SRP19: variants seen among roughly 807,000 people sequenced by gnomAD.
SRP19 encodes the protein signal recognition particle 19.
SRP19 carries 11 observed loss-of-function variants against 22.4 expected under a neutral mutation model. The observed-to-expected ratio is 0.49, with a 90% CI of 0.31 to 0.81. SRP19 has a LOEUF of 0.81. Among genes scored for constraint, SRP19 ranks in the 40% least tolerant of loss-of-function variants. The pLI, the probability that SRP19 is intolerant of heterozygous loss-of-function variation, is 0.05. For missense variants in SRP19, 168 were observed against 175.9 expected, an observed-to-expected ratio of 0.96 and a Z score of 0.25; for synonymous variants, 61 against 57.6, an observed-to-expected ratio of 1.06 and a Z score of -0.27.
chr5:112,864,830 C>A, intron 4 of SRP19, 98 bp downstream of exon 4: 1 of 881,458 alleles, frequency 1.1e-6, no homozygotes, highest in Non-Finnish European at 1.8e-6. Context: ...TCAGAATTTG[C>A]ATTCTGAAGA....
At chr5:112,890,217 G>A (rs1768393619) in intron 4 of SRP19, among the ~76,000 whole-genome samples, 1 of 150,388 alleles carries the variant, frequency 6.6e-6, no homozygotes, top group South Asian at 2.1e-4. Context: ...TTGACCTTGG[G>A]AGGTCGAGAC....
At chr5:112,892,402 G>T in exon 5 of SRP19, 1 of 1,614,116 alleles carries the variant, frequency 6.2e-7, no homozygotes. Context: ...GTTCAAGAAC[G>T]TGGGGAAAGT....
At chr5:112,866,395 C>T (rs1012027946) in intron 4 of SRP19, among the ~76,000 whole-genome samples, 1 of 152,178 alleles carries the variant, frequency 6.6e-6, no homozygotes, top group Non-Finnish European at 1.5e-5. Flanking sequence ...GGATTATAGG[C>T]GTGAGCCACT....
downstream of SRP19, among the ~76,000 whole-genome samples, chr5:112,873,092 T>C (rs2150029820): frequency 6.7e-6 from 1 of 149,074 alleles, no homozygotes; most frequent in East Asian, 1.9e-4. Flanking sequence ...GTGGGTCTTT[T>C]TTTTTTTTTT....
chr5:112,892,341 G>C, exon 5 of SRP19: 2 of 1,614,138 alleles, frequency 1.2e-6, no homozygotes, highest in Non-Finnish European at 1.7e-6. Context: ...AGTACAGCGA[G>C]GAAGAAACCT....
chr5:112,897,509 A>G (rs1768728829), downstream of SRP19: 1 of 152,176 alleles, frequency 6.6e-6, no homozygotes, highest in African/African-American at 2.4e-5. Flanking sequence ...TAAAGGAATG[A>G]GCATATGTAA....
At position 112,867,822 on chromosome 5, in the gene SRP19, A is replaced by G; in HGVS notation, c.*285A>G. 1 of 1,088,048 alleles carries G rather than the reference A, an allele frequency of 9.2e-7. No homozygotes were observed. Among genetic ancestry groups the G allele is most frequent in the Non-Finnish European group, 1.1e-6 (1 of 896,300 alleles). The allele number at this position is 1,088,048 out of a possible 1,614,324, so 67.4% of individuals were successfully genotyped here. On this transcript the variant is annotated 3_prime_UTR_variant, in exon 5 of 5. Transcript: ENST00000505459. Reference sequence around the variant, plus strand: ...TGGACTGTACAATAAGTTACTTGAAATAAGTTGTTTCAGATAAATTTCAAT... The same window carrying G: ...TGGACTGTACAATAAGTTACTTGAAGTAAGTTGTTTCAGATAAATTTCAAT...
intron 3 of SRP19, 32 bp downstream of exon 3, chr5:112,864,560 T>G (rs775826597): frequency 6.2e-7 from 1 of 1,611,868 alleles, no homozygotes; most frequent in South Asian, 1.1e-5. Context: ...TTTTCCATAC[T>G]CATCTAATTG....
chr5:112,874,943 T>C (rs999833259), intron 4 of SRP19, among the ~76,000 whole-genome samples: 7 of 152,042 alleles, frequency 4.6e-5, no homozygotes, highest in African/African-American at 1.7e-4. Flanking sequence ...ACCCGGCTAA[T>C]TTTTTTGTAT....
At chr5:112,863,130 A>C (rs1767468544) in intron 2 of SRP19, among the ~76,000 whole-genome samples, 1 of 152,196 alleles carries the variant, frequency 6.6e-6, no homozygotes, top group Non-Finnish European at 1.5e-5. Context: ...AGCATCCAGG[A>C]AGATTGCTTT....
At chr5:112,886,191 G>A (rs150290297) in intron 4 of SRP19, among the ~76,000 whole-genome samples, 154 of 152,308 alleles carry the variant, frequency 1.0e-3, no homozygotes, top group African/African-American at 3.5e-3. Context: ...CATTCAAAAC[G>A]TCACAGAGTG....
chr5:112,873,826 C>A (rs893969251), downstream of SRP19, among the ~76,000 whole-genome samples: 69 of 151,552 alleles, frequency 4.6e-4, no homozygotes, highest in African/African-American at 1.5e-3. Context: ...AGCTTTGTTT[C>A]GGTTGCTGGT....
At chr5:112,877,396 TA>T (rs1360988417) in intron 4 of SRP19, 5 of 152,316 alleles carry the variant, frequency 3.3e-5, no homozygotes, top group Admixed American at 3.3e-4. Context: ...AAAGGACTCT[TA>T]ACAGTATGGT....
At chr5:112,886,025 A>C (rs985859473) in intron 4 of SRP19, among the ~76,000 whole-genome samples, 3 of 152,210 alleles carry the variant, frequency 2.0e-5, no homozygotes, top group Non-Finnish European at 2.9e-5. Flanking sequence ...CTTCAGCGAC[A>C]TGGCCTCTCC....
At chr5:112,895,237 C>CAAAAAAAAAAAAAAAAAA (rs10684553), downstream of SRP19, 2 of 62,214 alleles carry the variant, frequency 3.2e-5, no homozygotes, top group African/African-American at 1.4e-4. Flanking sequence ...GACTCTGTCT[C>CAAAAAAAAAAAAAAAAAA]AAAAAAAAAA....
chr5:112,884,614 T>C (rs1768177871), intron 4 of SRP19, among the ~76,000 whole-genome samples: 1 of 152,038 alleles, frequency 6.6e-6, no homozygotes, highest in Non-Finnish European at 1.5e-5. Flanking sequence ...CTCAAACTTC[T>C]GGCCTCAAGT....
chr5:112,872,013 G>C (rs1194384938), downstream of SRP19, among the ~76,000 whole-genome samples: 1 of 152,204 alleles, frequency 6.6e-6, no homozygotes, highest in African/African-American at 2.4e-5. Context: ...AAGCCAGCTA[G>C]TTTTAATAGT....
downstream of SRP19, among the ~76,000 whole-genome samples, chr5:112,870,916 G>A (rs976151469): frequency 5.3e-5 from 8 of 152,096 alleles, no homozygotes; most frequent in African/African-American, 1.9e-4. Context: ...GCAGCGGTGC[G>A]ATCTCAGCTC....
chr5:112,891,817 GAAC>G (rs759338936), exon 5 of SRP19: 14 of 1,588,946 alleles, frequency 8.8e-6, no homozygotes, highest in African/African-American at 2.7e-5. Flanking sequence ...TTTTATTGAA[GAAC>G]AACAACTAGA....
Sources: gnomAD v4.1 joint callset for allele counts (sites outside exome capture counted in the v4.1 genomes callset) on GRCh38, gnomAD v4.1.1 for gene constraint, MANE v1.5 for transcripts, NCBI Gene and HGNC (gene_info 2026-07-23, HGNC 2026-07-21) for gene names.